The following TG variants were observed in gnomAD, a reference collection of about 807,000 sequenced individuals.
The protein encoded by TG is thyroglobulin.
Under a neutral mutation model 324.7 loss-of-function variants are expected in TG, and 270 were observed. The ratio of observed to expected loss-of-function variants is 0.83; its 90% CI spans 0.75 to 0.92. The LOEUF (loss-of-function observed/expected upper bound fraction) is 0.92, where lower values mean the gene tolerates loss of function less well. Among genes scored for constraint, TG ranks in the 40% least tolerant of loss-of-function variants. The pLI, the probability that TG is intolerant of heterozygous loss-of-function variation, is 0.00. For synonymous variants in TG, 1,401 were observed against 1,327.0 expected (o/e 1.06, Z -1.21); for missense variants, 3,591 against 3,456.4 (o/e 1.04, Z -0.98).
At chr8:132,897,887 C>G in intron 12 of TG, 101 bp downstream of exon 12, 1 of 1,421,404 alleles carries the variant, frequency 7.0e-7, no homozygotes, top group Non-Finnish European at 9.8e-7. Flanking sequence ...GACTCTTAGG[C>G]TCCTCTTTAG....
intron 41 of TG, among the ~76,000 whole-genome samples, chr8:133,035,026 T>C (rs1836958849): frequency 6.6e-6 from 1 of 152,238 alleles, no homozygotes; most frequent in Non-Finnish European, 1.5e-5. Context: ...TCTATGGCTG[T>C]GTTTTCAGAA....
At position 132,898,872 on chromosome 8, in the gene TG, C is replaced by G. The variant is rs200340687; in HGVS notation, c.3292C>G (p.Pro1098Ala). 29 of 1,614,170 alleles carry G rather than the reference C, an allele frequency of 1.8e-5. No individual in the cohort carries two copies. In the Admixed American group the frequency reaches 2.5e-4, roughly 14 times the overall value. Residue 1098 changes from proline (P) to alanine (A), a missense_variant, in exon 14 of 48, where the codon CCA becomes GCA. By Grantham distance (27) the Pro-to-Ala change is conservative. Transcript: ENST00000220616. ...SWKQARSQENPSPKDLFVPAC... is the reference protein window; with the variant it reads ...SWKQARSQENASPKDLFVPAC... ...GAAACAGGCTAGATCCCAAGAAAAC[C>G]CATCTCCAAAAGACCTGTTCGTCCC...
intron 32 of TG, among the ~76,000 whole-genome samples, chr8:132,970,074 C>A (rs1294583121): frequency 6.6e-6 from 1 of 151,826 alleles, no homozygotes; most frequent in Non-Finnish European, 1.5e-5. Context: ...GATGAAAGAG[C>A]CACCGAGCAT....
Position 133,017,798 on chromosome 8 carries a change from G to A in TG, c.6583G>A (p.Glu2195Lys), listed in dbSNP as rs939101203. 2.5e-6 allele frequency: 4 copies of A among 1,614,106 alleles called. No homozygotes were observed. The highest frequency in any genetic ancestry group is 3.4e-6 in the Non-Finnish European group (4 of 1,180,028). The change falls in exon 38 of 48, where the codon GAG (glutamate) becomes AAG (lysine). Residue 2195 changes from glutamate to lysine, a missense_variant. Transcript: ENST00000220616. ...AACAGGAATCTCTCTGCTCAGCTATGAGGCATCTGTACCTTCTGTGCCCAT... is the reference window on the plus strand; with the variant it reads ...AACAGGAATCTCTCTGCTCAGCTATAAGGCATCTGTACCTTCTGTGCCCAT... ...RKPGISLLSY[E>K]ASVPSVPIST... is the part of the protein sequence containing the mutation.
chr8:132,997,291 A>T (rs1479252912), intron 35 of TG, among the ~76,000 whole-genome samples: 1 of 152,118 alleles, frequency 6.6e-6, no homozygotes, highest in Non-Finnish European at 1.5e-5. Flanking sequence ...AAGTGAGATT[A>T]TGTGTTCAGT....
intron 41 of TG, among the ~76,000 whole-genome samples, chr8:133,043,964 A>G (rs1838808998): frequency 6.6e-6 from 1 of 152,162 alleles, no homozygotes; most frequent in South Asian, 2.1e-4. Context: ...GCTGGCATTT[A>G]ATGGGAGCTC....
intron 41 of TG, among the ~76,000 whole-genome samples, chr8:133,071,385 C>G (rs982246926): frequency 6.6e-6 from 1 of 152,148 alleles, no homozygotes; most frequent in Non-Finnish European, 1.5e-5. Flanking sequence ...TCCCAGCTAC[C>G]GTGTCCTTAG....
At chr8:133,116,851 C>T (rs888841021) in intron 45 of TG, 135 bp downstream of exon 45, 10 of 761,808 alleles carry the variant, frequency 1.3e-5, no homozygotes, top group Non-Finnish European at 2.3e-5. Flanking sequence ...ATTGTAGTAG[C>T]CACTTCATCT....
chr8:132,872,070 GA>G (rs1839527350), intron 4 of TG, among the ~76,000 whole-genome samples: 2 of 152,172 alleles, frequency 1.3e-5, no homozygotes, highest in South Asian at 4.1e-4. Flanking sequence ...AAAGTTTATA[GA>G]AGAAGGATAT....
intron 13 of TG, 69 bp downstream of exon 13, chr8:132,898,315 G>T (rs144425005): frequency 1.4e-6 from 2 of 1,465,984 alleles, no homozygotes; most frequent in East Asian, 4.9e-5. Flanking sequence ...GTCAGCTGTG[G>T]TTGCCTAACC....
chr8:133,009,775 C>A (rs912728104), intron 35 of TG, among the ~76,000 whole-genome samples: 1 of 151,718 alleles, frequency 6.6e-6, no homozygotes, highest in Admixed American at 6.6e-5. Context: ...AGCTATCCAT[C>A]AAGCAGAAAG....
chr8:133,012,278 C>T (rs1454818921), intron 36 of TG, among the ~76,000 whole-genome samples: 2 of 152,120 alleles, frequency 1.3e-5, no homozygotes, highest in African/African-American at 4.8e-5. Context: ...AGAGGAAGAT[C>T]AGAAGAATGA....
chr8:132,933,522 G>A (rs776625624), intron 23 of TG, 39 bp from the exon 24 acceptor site: 14 of 1,596,322 alleles, frequency 8.8e-6, no homozygotes, highest in Admixed American at 3.3e-5. Context: ...AGCATCCCCC[G>A]GGAAAGCCAG....
chr8:133,122,602 G>C (rs913769739), intron 45 of TG, among the ~76,000 whole-genome samples: 1 of 152,096 alleles, frequency 6.6e-6, no homozygotes, highest in South Asian at 2.1e-4. Context: ...ACCTCTCTTA[G>C]CCTCCATGTA....
intron 11 of TG, among the ~76,000 whole-genome samples, chr8:132,894,928 C>G (rs552759256): frequency 6.6e-6 from 1 of 152,298 alleles, no homozygotes; most frequent in African/African-American, 2.4e-5. Context: ...GTCACTTGCC[C>G]GAATTCACAC....
At chr8:132,896,075 G>A (rs887096583) in intron 11 of TG, among the ~76,000 whole-genome samples, 13 of 152,382 alleles carry the variant, frequency 8.5e-5, no homozygotes, top group East Asian at 1.9e-4. Context: ...TGAGCGTGGC[G>A]AAGGCCATGG....
At chr8:132,881,573 C>T (rs1257127426) in intron 5 of TG, among the ~76,000 whole-genome samples, 1 of 152,146 alleles carries the variant, frequency 6.6e-6, no homozygotes, top group Non-Finnish European at 1.5e-5. Context: ...CCCTATGAGA[C>T]AAACGCATGG....
At position 132,888,566 on chromosome 8, in the gene TG, CAT is replaced by C. The variant is rs764514762; in HGVS notation, c.2760_2761del (p.Cys921SerfsTer5). On this transcript the variant is annotated frameshift_variant and splice_region_variant, in exon 10 of 48. Coordinates refer to ENST00000220616, the MANE Select transcript of TG (RefSeq NM_003235.5). LOFTEE classifies it high-confidence loss of function. Reference sequence around the variant, plus strand: ...CGGTCTGAGCCAAGCAAGCTCCCAACATGTGAGCTAACGCATATGAAGAGTTA... The same window carrying C: ...CGGTCTGAGCCAAGCAAGCTCCCAACGTGAGCTAACGCATATGAAGAGTTA... 4 of 1,610,024 alleles carry C rather than the reference CAT, an allele frequency of 2.5e-6. No homozygotes were observed.
intron 26 of TG, among the ~76,000 whole-genome samples, chr8:132,945,515 A>G (rs1825121172): frequency 6.6e-6 from 1 of 152,182 alleles, no homozygotes; most frequent in Non-Finnish European, 1.5e-5. Flanking sequence ...AAAAAATGTC[A>G]GCTGAGTTTT....
Sources: allele counts gnomAD v4.1 joint callset (sites outside exome capture counted in the v4.1 genomes callset), GRCh38; gene constraint gnomAD v4.1.1; transcripts MANE v1.5; gene names NCBI Gene and HGNC (gene_info 2026-07-23, HGNC 2026-07-21).